Variants in LTN1 observed in about 807,000 individuals in gnomAD.
LTN1 encodes the protein listerin E3 ubiquitin protein ligase 1, also known as E3 ubiquitin-protein ligase listerin.
In LTN1, 88 loss-of-function variants were observed where a neutral mutation model predicts 201.2. The observed-to-expected ratio is 0.44, with a 90% confidence interval of 0.37 to 0.52. The LOEUF is 0.52. LTN1 is among the 20% of genes least tolerant of loss of function. LTN1 has a pLI of 0.00. For synonymous variants in LTN1, 645 were observed against 713.5 expected (o/e 0.90, Z 1.53); for missense variants, 1,752 against 2,038.7 (o/e 0.86, Z 2.71).
intron 6 of LTN1, among the ~76,000 whole-genome samples, chr21:28,980,276 G>C (rs1041534897): frequency 6.6e-6 from 1 of 151,144 alleles, no homozygotes; most frequent in Admixed American, 6.6e-5. Flanking sequence ...AGTTAGATAC[G>C]CTTTATCCAG....
Position 28,952,375 on chromosome 21 carries a change from A to T in LTN1, c.3240-111T>A. 3 of 607,676 alleles carry T rather than the reference A, an allele frequency of 4.9e-6. No homozygotes were observed. In the South Asian group the frequency reaches 7.3e-5, roughly 15 times the overall value. The allele number at this position is 607,676 out of a possible 1,614,324, so 37.6% of individuals were successfully genotyped here. A position where few individuals can be genotyped will look rare whatever the true frequency, so the allele number is the denominator to read the frequency against. ...ACAGAATTAAATAAAGCACCTTGTG[A>T]TGGCATCAATTCACCTAAGACTTTG... On this transcript the variant is annotated intron_variant, in intron 17 of 29. Transcript: ENST00000361371.
At chr21:28,977,616 G>C (rs542467398) in intron 6 of LTN1, among the ~76,000 whole-genome samples, 6 of 152,092 alleles carry the variant, frequency 3.9e-5, no homozygotes, top group African/African-American at 9.7e-5. Context: ...CCAGCTACTC[G>C]GGAGGCTGAG....
intron 13 of LTN1, 149 bp downstream of exon 13, chr21:28,959,309 G>T: frequency 1.2e-6 from 1 of 856,452 alleles, no homozygotes; most frequent in Non-Finnish European, 1.8e-6. Flanking sequence ...TTCTAGAGCT[G>T]AAAGTGTTTA....
At chr21:28,983,046 C>A (rs1468855212) in intron 4 of LTN1, among the ~76,000 whole-genome samples, 1 of 152,266 alleles carries the variant, frequency 6.6e-6, no homozygotes, top group Non-Finnish European at 1.5e-5. Flanking sequence ...GGGACTAGAA[C>A]CAATGGTGTG....
intron 17 of LTN1, 51 bp downstream of exon 17, chr21:28,953,166 C>A: frequency 7.2e-7 from 1 of 1,389,804 alleles, no homozygotes; most frequent in South Asian, 1.5e-5. Flanking sequence ...AAGGCAAAGC[C>A]ATAAAGAAGT....
At chr21:28,947,676 A>C in intron 18 of LTN1, 70 bp from the exon 19 acceptor site, 1 of 892,050 alleles carries the variant, frequency 1.1e-6, no homozygotes, top group African/African-American at 1.7e-5. Flanking sequence ...TATTTCTTTT[A>C]TTTAGACTAC....
At chr21:28,947,260 G>A (rs2084344944) in intron 19 of LTN1, among the ~76,000 whole-genome samples, 1 of 152,082 alleles carries the variant, frequency 6.6e-6, no homozygotes, top group Admixed American at 6.6e-5. Flanking sequence ...GGTATTTCTG[G>A]GCGTAAGTCT....
intron 16 of LTN1, among the ~76,000 whole-genome samples, chr21:28,954,356 G>C (rs1295512143): frequency 6.6e-6 from 1 of 152,064 alleles, no homozygotes; most frequent in East Asian, 1.9e-4. Flanking sequence ...ACTGATACAG[G>C]GTTTCTGCAA....
At chr21:28,937,170 T>A (rs545272674) in intron 25 of LTN1, among the ~76,000 whole-genome samples, 2 of 152,330 alleles carry the variant, frequency 1.3e-5, no homozygotes, top group South Asian at 4.1e-4. Flanking sequence ...TTCTGATTTC[T>A]CTTTTAAAAA....
chr21:28,975,060 A>G (rs935504542), intron 6 of LTN1, among the ~76,000 whole-genome samples: 26 of 152,322 alleles, frequency 1.7e-4, no homozygotes, highest in Non-Finnish European at 3.4e-4. Flanking sequence ...TCCAGTATAC[A>G]ATCTTAAATT....
intron 9 of LTN1, among the ~76,000 whole-genome samples, chr21:28,968,794 A>C (rs1272195395): frequency 6.6e-6 from 1 of 151,496 alleles, no homozygotes; most frequent in Non-Finnish European, 1.5e-5. Context: ...TTTAGTAGAG[A>C]TGGGGTTTCT....
intron 18 of LTN1, among the ~76,000 whole-genome samples, chr21:28,948,451 T>G (rs970373861): frequency 1.3e-5 from 2 of 151,242 alleles, no homozygotes; most frequent in African/African-American, 4.9e-5. Flanking sequence ...TTTTTTTCAT[T>G]TAGTGGAGAT....
rs764352503 is a variant in LTN1, at chr21:28,941,229, T to C, written c.4473A>G (p.Ala1491=). The change falls in exon 25 of 30, where the codon GCA becomes GCG. Residue 1491 remains alanine (A), a synonymous_variant. Coordinates refer to ENST00000361371, the MANE Select transcript of LTN1 (RefSeq NM_015565.3). ...TCACATATTTATTTACCTGTGATGA[T>C]GCAGCTTTGAAGAAAGTTAGTATTA... ...WKLILTFFKA[A]SSQLRALYSM... 3 of 1,611,426 alleles carry C rather than the reference T, an allele frequency of 1.9e-6. No individual in the cohort carries two copies. The highest frequency in any genetic ancestry group is 1.7e-4 in the Middle Eastern group (1 of 6,050).
chr21:28,977,420 G>A (rs1219566668), intron 6 of LTN1, among the ~76,000 whole-genome samples: 2 of 151,100 alleles, frequency 1.3e-5, no homozygotes, highest in African/African-American at 2.4e-5. Flanking sequence ...TGACTAACCT[G>A]AGCAGGTATT....
In LTN1 at chr21:28,972,943, T is replaced by C. The variant is rs141999566; in HGVS notation, c.811-1499A>G. ...ACCTTCAAAAGAAGGACAATAAGAC[T>C]GATAGTTAATTTTGACATCAATAAT... is the stretch of plus-strand genomic sequence containing the variant. On this transcript the variant is annotated intron_variant, in intron 6 of 29. Coordinates refer to ENST00000361371, the MANE Select transcript of LTN1 (RefSeq NM_015565.3). Among the ~76,000 whole-genome samples, 873 of 152,322 alleles carry C rather than the reference T, an allele frequency of 5.7e-3. 8 individuals carry two copies. The highest frequency in any genetic ancestry group is 0.01 in the Non-Finnish European group (708 of 68,024).
intron 27 of LTN1, among the ~76,000 whole-genome samples, chr21:28,933,253 A>T (rs1215216423): frequency 6.6e-6 from 1 of 152,158 alleles, no homozygotes; most frequent in Non-Finnish European, 1.5e-5. Flanking sequence ...ATATTAACTA[A>T]ATCACTAGCA....
chr21:28,983,848 T>C (rs375002086), intron 4 of LTN1, among the ~76,000 whole-genome samples: 30 of 152,384 alleles, frequency 2.0e-4, no homozygotes, highest in African/African-American at 7.0e-4. Flanking sequence ...TCATCTACTT[T>C]TATTTCTCAA....
intron 11 of LTN1, among the ~76,000 whole-genome samples, chr21:28,962,496 G>A (rs1404887167): frequency 6.6e-6 from 1 of 152,156 alleles, no homozygotes; most frequent in Non-Finnish European, 1.5e-5. Flanking sequence ...ACAAACCATT[G>A]CCATATAAGA....
chr21:28,963,049 T>G (rs7279885), intron 11 of LTN1, among the ~76,000 whole-genome samples: 1 of 152,224 alleles, frequency 6.6e-6, no homozygotes, highest in Non-Finnish European at 1.5e-5. Context: ...GGGTGGTTCA[T>G]GAGGTTTAAA....
Sources: allele counts gnomAD v4.1 joint callset (sites outside exome capture counted in the v4.1 genomes callset), GRCh38; gene constraint gnomAD v4.1.1; transcripts MANE v1.5; gene names NCBI Gene and HGNC (gene_info 2026-07-23, HGNC 2026-07-21).